SAP130: variants seen among roughly 807,000 people sequenced by gnomAD.
SAP130 encodes histone deacetylase complex subunit SAP130.
Under a neutral mutation model 103.2 loss-of-function variants are expected in SAP130, and 16 were observed. The observed-to-expected ratio is 0.16, with a 90% CI of 0.10 to 0.24. SAP130 has a LOEUF of 0.24. SAP130 is among the 10% of genes least tolerant of loss of function. The probability of loss-of-function intolerance (pLI) is 1.00; values close to 1 mark genes in which losing one functional copy is unlikely to be tolerated. For missense variants in SAP130, 990 were observed against 1,359.7 expected (o/e 0.73, Z 4.28); for synonymous variants, 477 against 497.0 (o/e 0.96, Z 0.53).
Position 127,983,820 on chromosome 2 carries a change from G to GTTTTTTTTTTTTTTTTTTTTTT in SAP130, c.1958+2964_1958+2965insAAAAAAAAAAAAAAAAAAAAAA, listed in dbSNP as rs1455013059. ...AGTTTTGGTAATTTTCTATTACTTT[G>GTTTTTTTTTTTTTTTTTTTTTT]TTGTTTTTTTTTTTTTTTTTTTTTT... On this transcript the variant is annotated intron_variant, in intron 14 of 20. Coordinates refer to ENST00000643581, the MANE Select transcript of SAP130 (RefSeq NM_001330301.2). 1.8e-5 allele frequency among the ~76,000 whole-genome samples: 2 copies of GTTTTTTTTTTTTTTTTTTTTTT among 112,354 alleles called. 1 individual carries two copies. 73.7% of individuals were successfully genotyped at this position (112,354 alleles called of 152,430 possible).
At chr2:127,961,671 T>G (rs1027363928) in intron 15 of SAP130, among the ~76,000 whole-genome samples, 2 of 152,138 alleles carry the variant, frequency 1.3e-5, no homozygotes, top group Non-Finnish European at 2.9e-5. Flanking sequence ...TGGGAATATT[T>G]GGAGGCGGAA....
At chr2:127,944,592 G>T (rs1678940402) in intron 19 of SAP130, among the ~76,000 whole-genome samples, 2 of 152,004 alleles carry the variant, frequency 1.3e-5, no homozygotes, top group Non-Finnish European at 2.9e-5. Context: ...ACCACGCCCA[G>T]CTTATTTTTG....
chr2:127,973,860 G>A (rs1408507613), intron 15 of SAP130, among the ~76,000 whole-genome samples: 1 of 152,002 alleles, frequency 6.6e-6, no homozygotes, highest in Non-Finnish European at 1.5e-5. Context: ...TACTGCTTGA[G>A]CCCAGGAGTT....
chr2:127,958,248 A>G (rs1178660040), intron 15 of SAP130, among the ~76,000 whole-genome samples: 1 of 152,204 alleles, frequency 6.6e-6, no homozygotes, highest in East Asian at 1.9e-4. Context: ...CCCTGTCTCT[A>G]CTAAAGATAC....
At chr2:128,007,386 T>C (rs767200634) in intron 7 of SAP130, among the ~76,000 whole-genome samples, 1 of 152,222 alleles carries the variant, frequency 6.6e-6, no homozygotes, top group Non-Finnish European at 1.5e-5. Context: ...AATACTATGC[T>C]ACTTTATATG....
At chr2:127,967,186 G>A (rs1436237398) in intron 15 of SAP130, among the ~76,000 whole-genome samples, 3 of 152,224 alleles carry the variant, frequency 2.0e-5, no homozygotes, top group Admixed American at 6.5e-5. Flanking sequence ...GAGCTCTGTT[G>A]TGTGACACCG....
chr2:127,949,478 C>T (rs915325796), intron 18 of SAP130, among the ~76,000 whole-genome samples: 4 of 152,146 alleles, frequency 2.6e-5, no homozygotes, highest in African/African-American at 7.2e-5. Flanking sequence ...ACAATGCATG[C>T]GTATTTTTAG....
chr2:127,998,407 C>T (rs551447686), intron 10 of SAP130, among the ~76,000 whole-genome samples: 1 of 152,198 alleles, frequency 6.6e-6, no homozygotes, highest in African/African-American at 2.4e-5. Flanking sequence ...TAGCTGAATT[C>T]GATTTAATAT....
intron 10 of SAP130, among the ~76,000 whole-genome samples, chr2:127,999,033 T>C (rs1573785993): frequency 6.6e-6 from 1 of 152,278 alleles, no homozygotes; most frequent in Non-Finnish European, 1.5e-5. Flanking sequence ...CAAATATGAA[T>C]TAAATTCAGA....
intron 2 of SAP130, 141 bp from the exon 3 acceptor site, chr2:128,018,056 A>G (rs1684899053): frequency 3.1e-6 from 2 of 645,702 alleles, no homozygotes; most frequent in South Asian, 1.9e-5. Flanking sequence ...AACAAGGTCA[A>G]TATGGGCACT....
intron 10 of SAP130, among the ~76,000 whole-genome samples, chr2:127,998,185 T>G (rs1050421400): frequency 3.3e-5 from 5 of 152,102 alleles, no homozygotes; most frequent in Non-Finnish European, 7.4e-5. Context: ...ACAGAAAACA[T>G]TAAGTCTGCC....
rs1184301473 is a variant in SAP130, at chr2:127,991,092, A to G, written c.1478-1226T>C. ...GGGTGAAACCCCATCTCTACTAAAAATACAAAAATTAGCTGGGTGTGCTGG... is the reference window on the plus strand; with the variant it reads ...GGGTGAAACCCCATCTCTACTAAAAGTACAAAAATTAGCTGGGTGTGCTGG... On this transcript the variant is annotated intron_variant, in intron 12 of 20. Transcript: ENST00000643581. Among the ~76,000 whole-genome samples the G allele has an allele frequency of 2.0e-5, 3 of 152,152 alleles. No individual in the cohort carries two copies. The East Asian group carries it at 5.8e-4, about 29-fold the overall frequency.
chr2:127,999,871 C>A lies in SAP130; in HGVS notation c.1109-26G>T, dbSNP rs764615751. On this transcript the variant is annotated intron_variant, in intron 9 of 20. Transcript: ENST00000643581. ...CTGAAATAGGGGAAAAAAGGAAATT[C>A]TTTAACAAGAACTTCTCTGCACACG... is the stretch of plus-strand genomic sequence containing the variant. The A allele has an allele frequency of 4.0e-6, 6 of 1,495,358 alleles. No individual in the cohort carries two copies. In the African/African-American group the frequency reaches 8.4e-5, roughly 21 times the overall value. The allele number at this position is 1,495,358 out of a possible 1,614,324, so 92.6% of individuals were successfully genotyped here.
intron 2 of SAP130, 92 bp from the exon 3 acceptor site, chr2:128,018,007 A>G: frequency 9.7e-7 from 1 of 1,034,060 alleles, no homozygotes. Flanking sequence ...GTTAAATCTC[A>G]GGATTGACAA....
chr2:128,009,421 T>A (rs1231771745), intron 7 of SAP130, among the ~76,000 whole-genome samples: 1 of 152,138 alleles, frequency 6.6e-6, no homozygotes, highest in Non-Finnish European at 1.5e-5. Context: ...CAGTGAGCCA[T>A]GATCGTGCCA....
chr2:127,993,406 G>T, intron 11 of SAP130, 98 bp from the exon 12 acceptor site: 1 of 1,291,562 alleles, frequency 7.7e-7, no homozygotes, highest in Non-Finnish European at 1.0e-6. Flanking sequence ...CTTCAGAACT[G>T]TCAAACAAGC....
chr2:127,960,138 A>G (rs1680137480), intron 15 of SAP130, among the ~76,000 whole-genome samples: 1 of 152,212 alleles, frequency 6.6e-6, no homozygotes, highest in Admixed American at 6.5e-5. Context: ...AAGAGTGTGG[A>G]TAGAATAAAG....
intron 15 of SAP130, among the ~76,000 whole-genome samples, chr2:127,970,219 C>T (rs1352101320): frequency 2.7e-4 from 31 of 116,402 alleles, no homozygotes; most frequent in African/African-American, 1.0e-3. Context: ...GAGACTCCGT[C>T]TCAAAAAAAA....
chr2:127,973,817 T>TA (rs1681263462), intron 15 of SAP130, among the ~76,000 whole-genome samples: 1 of 152,146 alleles, frequency 6.6e-6, no homozygotes, highest in Non-Finnish European at 1.5e-5. Context: ...CTCATGTCTG[T>TA]AATCCCAGCA....
Sources: gnomAD v4.1 joint callset for allele counts (sites outside exome capture counted in the v4.1 genomes callset) on GRCh38, gnomAD v4.1.1 for gene constraint, MANE v1.5 for transcripts, NCBI Gene and HGNC (gene_info 2026-07-23, HGNC 2026-07-21) for gene names.